HDAC10: variants seen among roughly 807,000 people sequenced by gnomAD.
HDAC10 encodes the protein polyamine deacetylase HDAC10.
HDAC10 carries 90 observed loss-of-function variants against 82.3 expected under a neutral mutation model. That is an observed-to-expected ratio of 1.09 (90% CI 0.92 to 1.30). The LOEUF (loss-of-function observed/expected upper bound fraction) is 1.30. Ranked by LOEUF, HDAC10 falls within the 50% of genes most tolerant of loss-of-function variation. The pLI, the probability that HDAC10 is intolerant of heterozygous loss-of-function variation, is 0.00. For synonymous variants in HDAC10, 456 were observed against 391.7 expected (o/e 1.16, Z -1.94); for missense variants, 934 against 876.3 (o/e 1.07, Z -0.83).
In HDAC10 at chr22:50,249,636, T is replaced by G; in HGVS notation, c.562A>C (p.Ser188Arg). 1.9e-6 allele frequency: 3 copies of G among 1,612,716 alleles called. No homozygotes were observed. The South Asian group carries it at 3.3e-5, about 18-fold the overall frequency. ...GIQYLFEDDP[S>R]VLYFSWHRYE... ...GGTGGTTTCCGCACCCCTGCTCACC[T>G]GGGGTCATCCTCAAAGAGATACTGG... The change falls in exon 6 of 20, where the codon AGC (serine) becomes CGC (arginine). Residue 188 changes from serine to arginine, a missense_variant and splice_region_variant. Physicochemically the swap from Ser to Arg is moderately radical, Grantham distance 110. Coordinates refer to ENST00000216271, the MANE Select transcript of HDAC10 (RefSeq NM_032019.6). This position sits in a 1 kb window ranked among gnomAD's most constrained non-coding sequence, Gnocchi z 4.4.
chr22:50,247,149 T>C, intron 14 of HDAC10, 183 bp from the exon 15 acceptor site: 1 of 499,060 alleles, frequency 2.0e-6, no homozygotes, highest in African/African-American at 2.0e-5. Context: ...TTTTTTTTTT[T>C]TTTTTAGAGA....
Position 50,249,058 on chromosome 22 carries a change from C to A in HDAC10, c.756+45G>T, listed in dbSNP as rs78729290. Reference sequence around the variant, plus strand: ...CACTGGCGCACTCCAGGCACAAGGTCCCCCTCCCACCCGGCTGCCCTGGGG... The same window carrying A: ...CACTGGCGCACTCCAGGCACAAGGTACCCCTCCCACCCGGCTGCCCTGGGG... On this transcript the variant is annotated intron_variant, in intron 8 of 19. Coordinates refer to ENST00000216271, the MANE Select transcript of HDAC10 (RefSeq NM_032019.6). This position sits in a 1 kb window ranked among gnomAD's most constrained non-coding sequence, Gnocchi z 4.4. 78 of 1,519,822 alleles carry A rather than the reference C, an allele frequency of 5.1e-5. No homozygotes were observed. In the East Asian group the frequency reaches 1.8e-3, roughly 35 times the overall value. The allele number at this position is 1,519,822 out of a possible 1,614,324, so 94.1% of individuals were successfully genotyped here.
chr22:50,245,768 A>G lies in HDAC10; in HGVS notation c.1893T>C (p.Pro631=). ...LARVLNGEAP[P]SLGPSSVASP... is the part of the protein sequence containing the mutation. ...AGGCCACAGAGGAAGGGCCTAGGCT[A>G]GGAGGTGCCTCTCCATTCAGCACCC... Residue 631 remains proline (P), a synonymous_variant, in exon 19 of 20, where the codon CCT becomes CCC. Transcript: ENST00000216271. 1 of 1,607,342 alleles carries G rather than the reference A, an allele frequency of 6.2e-7. No individual in the cohort carries two copies. The highest frequency in any genetic ancestry group is 1.1e-5 in the South Asian group (1 of 90,066).
chr22:50,250,614 C>G, intron 2 of HDAC10, 91 bp from the exon 3 acceptor site: 1 of 1,329,082 alleles, frequency 7.5e-7, no homozygotes, highest in Non-Finnish European at 1.1e-6. Context: ...GTGGGAGTGG[C>G]CACCCTGTCA....
In HDAC10 at chr22:50,250,140, CCG is replaced by C. The variant is rs1427612251; in HGVS notation, c.310_311del (p.Arg104AlafsTer80). 6.2e-7 allele frequency: 1 copy of C among 1,612,418 alleles called. No homozygotes were observed. Among genetic ancestry groups the C allele is most frequent in the Admixed American group, 1.7e-5 (1 of 60,008 alleles). On this transcript the variant is annotated frameshift_variant, in exon 4 of 20. Transcript: ENST00000216271. LOFTEE classifies it high-confidence loss of function. ...YFHPSTFHCA[R>X]LAAGAGLQLV... ...GCTGCAGTCCAGCCCCTGCGGCCAGCCGCGCGCAGTGAAAGGTACTCTGTGGG... is the reference window on the plus strand; with the variant it reads ...GCTGCAGTCCAGCCCCTGCGGCCAGCCGCGCAGTGAAAGGTACTCTGTGGG...
chr22:50,250,327 G>A, intron 3 of HDAC10, 100 bp downstream of exon 3: 2 of 1,271,508 alleles, frequency 1.6e-6, no homozygotes, highest in African/African-American at 1.5e-5. Context: ...TCATGTGTAT[G>A]GACCAGGGGA....
chr22:50,247,988 A>T lies in HDAC10; in HGVS notation c.1239T>A (p.Ala413=). ...CLCPAPSVRT[A]VALTTPDITL... ...TGATATCCGGCGTTGTCAGGGCAAC[A>T]GCGGTGCGGACAGAGGGTGCGGGGC... The change falls in exon 13 of 20, where the codon GCT becomes GCA. Residue 413 remains alanine, a synonymous_variant. Coordinates refer to ENST00000216271, the MANE Select transcript of HDAC10 (RefSeq NM_032019.6). The T allele has an allele frequency of 6.2e-7, 1 of 1,612,872 alleles. No homozygotes were observed. Among genetic ancestry groups the T allele is most frequent in the Non-Finnish European group, 8.5e-7 (1 of 1,179,972 alleles).
rs1293921774 is a variant in HDAC10 at position 50,246,971 on chromosome 22, G to A, written c.1423-5C>T. The A allele has an allele frequency of 6.3e-7, 1 of 1,588,208 alleles. No individual in the cohort carries two copies. The highest frequency in any genetic ancestry group is 1.1e-5 in the South Asian group (1 of 89,032). Reference sequence around the variant, plus strand: ...GGCTGCTATACCACTGTTCACCTGTGGGATGAATAAACAGTGGAGAATGAG... The same window carrying A: ...GGCTGCTATACCACTGTTCACCTGTAGGATGAATAAACAGTGGAGAATGAG... On this transcript the variant is annotated splice_polypyrimidine_tract_variant and splice_region_variant and intron_variant, in intron 14 of 19. Coordinates refer to ENST00000216271, the MANE Select transcript of HDAC10 (RefSeq NM_032019.6).
In HDAC10 at chr22:50,248,094, G is replaced by C; in HGVS notation, c.1133C>G (p.Pro378Arg). ...SPSSHSPEGR[P>R]PPLLPGGPVC... ...TGGACCCCCAGGCAGCAGAGGTGGA[G>C]GCCTCCCCTCTGGGGAGTGGCTGCT... Residue 378 changes from proline (P) to arginine (R), a missense_variant, in exon 13 of 20, where the codon CCT becomes CGT. Pro to Arg is a moderately radical substitution (Grantham distance 103). Transcript: ENST00000216271. The surrounding 1 kb of genome is among the most constrained non-coding windows in gnomAD (Gnocchi z 5.4). The C allele has an allele frequency of 6.3e-7, 1 of 1,597,860 alleles. No individual in the cohort carries two copies.
At position 50,247,047 on chromosome 22, in the gene HDAC10, C is replaced by T. The variant is rs570084571; in HGVS notation, c.1423-81G>A. The T allele has an allele frequency of 1.4e-4, 112 of 815,244 alleles. No individual in the cohort carries two copies. In the East Asian group the frequency reaches 2.4e-3, roughly 17 times the overall value. The allele number at this position is 815,244 out of a possible 1,614,324, so 50.5% of individuals were successfully genotyped here. ...AAACAGATCCACAGTTCCCTTCATT[C>T]GGTGTGTCTCTGCGGCTACTGTCAG... On this transcript the variant is annotated intron_variant, in intron 14 of 19. Coordinates refer to ENST00000216271, the MANE Select transcript of HDAC10 (RefSeq NM_032019.6).
chr22:50,249,762 C>A lies in HDAC10; in HGVS notation c.495-59G>T, dbSNP rs1010346693. On this transcript the variant is annotated intron_variant, in intron 5 of 19. Transcript: ENST00000216271. The surrounding 1 kb of genome is among the most constrained non-coding windows in gnomAD (Gnocchi z 4.4). ...GGGCCTCCCACCTCCAGGAGCCCGGCCAGGGATGGGAAGGTGCTGGCTGGG... is the reference window on the plus strand; with the variant it reads ...GGGCCTCCCACCTCCAGGAGCCCGGACAGGGATGGGAAGGTGCTGGCTGGG... 1.0e-4 allele frequency: 168 copies of A among 1,608,366 alleles called. No homozygotes were observed. Among genetic ancestry groups the A allele is most frequent in the African/African-American group, 1.5e-4 (11 of 74,788 alleles).
chr22:50,249,512 G>T lies in HDAC10; in HGVS notation c.564-58C>A. ...GGTCAGGACCCTCAACAGCTCTACA[G>T]CTCCCTGTAGAACGCTGACCCCTGA... On this transcript the variant is annotated intron_variant, in intron 6 of 19. Coordinates refer to ENST00000216271, the MANE Select transcript of HDAC10 (RefSeq NM_032019.6). This position sits in a 1 kb window ranked among gnomAD's most constrained non-coding sequence, Gnocchi z 4.4. The T allele has an allele frequency of 6.2e-7, 1 of 1,608,412 alleles. No individual in the cohort carries two copies. The highest frequency in any genetic ancestry group is 1.3e-5 in the African/African-American group (1 of 74,920).
At position 50,248,846 on chromosome 22, in the gene HDAC10, G is replaced by C; in HGVS notation, c.801C>G (p.Ala267=). ...LVLVSAGFDS[A]IGDPEGQMQA... is the part of the protein sequence containing the mutation. ...AGGCCCTCACCTCAGGGTCCCCGAT[G>C]GCTGAGTCAAATCCTGCCGAGACCA... is the stretch of plus-strand genomic sequence containing the variant. Residue 267 remains alanine (A), a synonymous_variant, in exon 9 of 20, where the codon GCC becomes GCG. Transcript: ENST00000216271. This position sits in a 1 kb window ranked among gnomAD's most constrained non-coding sequence, Gnocchi z 5.4. 1 of 1,611,428 alleles carries C rather than the reference G, an allele frequency of 6.2e-7. No individual in the cohort carries two copies.
Position 50,251,166 on chromosome 22 carries a change from C to T in HDAC10, c.-134G>A. 2 of 906,936 alleles carry T rather than the reference C, an allele frequency of 2.2e-6. No individual in the cohort carries two copies. Among genetic ancestry groups the T allele is most frequent in the Non-Finnish European group, 3.3e-6 (2 of 599,792 alleles). The allele number at this position is 906,936 out of a possible 1,614,324, so 56.2% of individuals were successfully genotyped here. On this transcript the variant is annotated 5_prime_UTR_variant, in exon 1 of 20. Coordinates refer to ENST00000216271, the MANE Select transcript of HDAC10 (RefSeq NM_032019.6). The stretch of plus-strand genomic sequence containing the variant: ...GGCGCAGGCGGGCGGCGGGCACCGG[C>T]CTGGGCGGGAGCGCACAGAACCTAG...
In HDAC10 at chr22:50,250,706, G is replaced by C. The variant is rs1021772086; in HGVS notation, c.194+65C>G. The C allele has an allele frequency of 1.8e-5, 26 of 1,474,034 alleles. No individual in the cohort carries two copies. In the East Asian group the frequency reaches 4.2e-4, roughly 24 times the overall value. 91.3% of individuals were successfully genotyped at this position (1,474,034 alleles called of 1,614,324 possible). A position where few individuals can be genotyped will look rare whatever the true frequency, so the allele number is the denominator to read the frequency against. ...GCTGGCAGGCTCGGGGTAGGCCCAG[G>C]TTCTTAGGTTTCTAGCTGGGCTGCC... On this transcript the variant is annotated intron_variant, in intron 2 of 19. Coordinates refer to ENST00000216271, the MANE Select transcript of HDAC10 (RefSeq NM_032019.6).
Position 50,248,438 on chromosome 22 carries a change from A to G in HDAC10, c.941T>C (p.Val314Ala). Reference protein sequence around the residue: ...GYHLESLAESVCMTVQTLLGD... With the variant: ...GYHLESLAESACMTVQTLLGD... ...CAGCAGCGTCTGTACTGTCATGCAC[A>G]CTGACTCCGCCAGTGACTCCAGGTG... The change falls in exon 11 of 20, where the codon GTG becomes GCG. Residue 314 changes from valine to alanine, a missense_variant. By Grantham distance (64) the Val-to-Ala change is moderately conservative (BLOSUM62 0). Coordinates refer to ENST00000216271, the MANE Select transcript of HDAC10 (RefSeq NM_032019.6). This position sits in a 1 kb window ranked among gnomAD's most constrained non-coding sequence, Gnocchi z 5.4. 6.2e-7 allele frequency: 1 copy of G among 1,607,960 alleles called. No individual in the cohort carries two copies. The highest frequency in any genetic ancestry group is 2.2e-5 in the East Asian group (1 of 44,876).
Position 50,246,273 on chromosome 22 carries a change from C to T in HDAC10, c.1650+25G>A, listed in dbSNP as rs191185971. 239 of 1,607,142 alleles carry T rather than the reference C, an allele frequency of 1.5e-4. 1 individual carries two copies. The East Asian group carries it at 4.5e-3, about 30-fold the overall frequency. On this transcript the variant is annotated intron_variant, in intron 17 of 19. Coordinates refer to ENST00000216271, the MANE Select transcript of HDAC10 (RefSeq NM_032019.6). ...CATCCATGGGCTCCCCAGCACCTGC[C>T]TTGCCGCGTGGCATGGTCACTCACC...
In HDAC10 at chr22:50,250,056, C is replaced by A; in HGVS notation, c.389+7G>T. The A allele has an allele frequency of 1.2e-6, 2 of 1,612,396 alleles. No homozygotes were observed. On this transcript the variant is annotated splice_region_variant and intron_variant, in intron 4 of 19. Transcript: ENST00000216271. ...GAGGAGCAGCCAGGGGAAGGGGCAG[C>A]TCTCACCTCACCAGGGCAAGCCCAT...
intron 14 of HDAC10, 61 bp downstream of exon 14, chr22:50,247,631 G>T: frequency 8.1e-7 from 1 of 1,234,816 alleles, no homozygotes; most frequent in Non-Finnish European, 1.1e-6. Flanking sequence ...CATCTCGTTG[G>T]CAGGTCCTGG....
Sources: gnomAD v4.1 joint callset for allele counts on GRCh38, gnomAD v4.1.1 for gene constraint, Gnocchi (gnomAD v3.1) non-coding constraint, MANE v1.5 for transcripts, NCBI Gene and HGNC (gene_info 2026-07-23, HGNC 2026-07-21) for gene names.